GRIK2: variants seen among roughly 807,000 people sequenced by gnomAD.
GRIK2 encodes the protein glutamate receptor ionotropic, kainate 2.
GRIK2 carries 32 observed loss-of-function variants against 100.3 expected under a neutral mutation model. The ratio of observed to expected loss-of-function variants is 0.32; its 90% CI spans 0.24 to 0.43. The LOEUF (loss-of-function observed/expected upper bound fraction) is 0.43, where lower values mean the gene tolerates loss of function less well. Ranked by LOEUF, GRIK2 falls within the 20% of genes least tolerant of loss-of-function variation. The pLI, the probability that GRIK2 is intolerant of heterozygous loss-of-function variation, is 1.00. For missense variants in GRIK2, 843 were observed against 1,114.9 expected, an observed-to-expected ratio of 0.76 and a Z score of 3.47; for synonymous variants, 417 against 389.4, an observed-to-expected ratio of 1.07 and a Z score of -0.83.
chr6:101,896,232 T>A (rs1787432324), intron 12 of GRIK2, among the ~76,000 whole-genome samples: 1 of 151,832 alleles, frequency 6.6e-6, no homozygotes, highest in African/African-American at 2.4e-5. Flanking sequence ...TTTTCAGTTG[T>A]GATAAATATG....
intron 2 of GRIK2, among the ~76,000 whole-genome samples, chr6:101,547,705 A>C (rs1776313003): frequency 6.6e-6 from 1 of 151,968 alleles, no homozygotes; most frequent in African/African-American, 2.4e-5. Flanking sequence ...ACATTTTCTT[A>C]ATCCAGTCTA....
At chr6:101,997,440 T>C (rs977444194) in intron 14 of GRIK2, among the ~76,000 whole-genome samples, 2 of 152,082 alleles carry the variant, frequency 1.3e-5, no homozygotes, top group Admixed American at 1.3e-4. Flanking sequence ...ATTTTAAATG[T>C]ATATATTTGT....
In GRIK2 at chr6:101,559,267, T is replaced by C. The variant is rs374657682; in HGVS notation, c.116-62682T>C. On this transcript the variant is annotated intron_variant, in intron 2 of 16. Coordinates refer to ENST00000369134, the MANE Select transcript of GRIK2 (RefSeq NM_021956.5). The stretch of plus-strand genomic sequence containing the variant: ...ATAGCTAAGTGTATTTAATAAGTTA[T>C]AGTCTAAGTTATTTTTTCAAAATCT... 7.9e-5 allele frequency among the ~76,000 whole-genome samples: 12 copies of C among 152,266 alleles called. No homozygotes were observed. The East Asian group carries it at 1.2e-3, about 15-fold the overall frequency.
chr6:101,789,645 C>A (rs1450231741), intron 7 of GRIK2, among the ~76,000 whole-genome samples: 1 of 152,108 alleles, frequency 6.6e-6, no homozygotes, highest in Non-Finnish European at 1.5e-5. Context: ...AATGTGATGC[C>A]TCCAGCTTTG....
At chr6:101,830,964 G>A (rs1782640627) in intron 10 of GRIK2, among the ~76,000 whole-genome samples, 2 of 152,012 alleles carry the variant, frequency 1.3e-5, no homozygotes, top group African/African-American at 4.8e-5. Flanking sequence ...AAATTCCAAA[G>A]AGGGAGGGAG....
chr6:101,892,300 C>A (rs184940614), intron 12 of GRIK2, among the ~76,000 whole-genome samples: 1 of 152,158 alleles, frequency 6.6e-6, no homozygotes, highest in African/African-American at 2.4e-5. Context: ...AAAGCAAATA[C>A]TGAAACATCT....
chr6:101,936,149 G>A (rs1446534393), intron 14 of GRIK2, among the ~76,000 whole-genome samples: 1 of 151,958 alleles, frequency 6.6e-6, no homozygotes, highest in East Asian at 1.9e-4. Context: ...GGGCAGTAAG[G>A]TTAGGTTAAT....
At chr6:101,473,791 C>T (rs1178265526) in intron 2 of GRIK2, among the ~76,000 whole-genome samples, 1 of 151,652 alleles carries the variant, frequency 6.6e-6, no homozygotes, top group Non-Finnish European at 1.5e-5. Flanking sequence ...ACATTCATAG[C>T]TTTGAGGAGT....
chr6:101,866,454 G>T (rs1785058439), intron 11 of GRIK2, among the ~76,000 whole-genome samples: 1 of 151,988 alleles, frequency 6.6e-6, no homozygotes, highest in East Asian at 1.9e-4. Context: ...ATATGAACAA[G>T]GAATTGTTTA....
intron 12 of GRIK2, among the ~76,000 whole-genome samples, chr6:101,920,909 T>C (rs1789452702): frequency 6.6e-6 from 1 of 151,850 alleles, no homozygotes; most frequent in South Asian, 2.1e-4. Context: ...TGTGATATTA[T>C]GGGAATTATT....
intron 14 of GRIK2, among the ~76,000 whole-genome samples, chr6:101,972,861 T>C (rs1308550310): frequency 6.6e-6 from 1 of 151,942 alleles, no homozygotes; most frequent in Non-Finnish European, 1.5e-5. Context: ...GTTTTAGGTG[T>C]GTGGTTTTAT....
At chr6:101,640,449 C>T (rs1781231212) in intron 4 of GRIK2, among the ~76,000 whole-genome samples, 1 of 152,160 alleles carries the variant, frequency 6.6e-6, no homozygotes, top group South Asian at 2.1e-4. Context: ...CATTTCCCAA[C>T]ATAGCAATTG....
chr6:101,760,818 G>A (rs1302745030), intron 7 of GRIK2, among the ~76,000 whole-genome samples: 1 of 145,700 alleles, frequency 6.9e-6, no homozygotes, highest in Non-Finnish European at 1.5e-5. Flanking sequence ...TTTATGTTGA[G>A]ATTTTTGCTT....
chr6:101,893,693 C>T (rs1787251508), intron 12 of GRIK2, among the ~76,000 whole-genome samples: 1 of 151,674 alleles, frequency 6.6e-6, no homozygotes, highest in Admixed American at 6.6e-5. Context: ...CTAGTAAGCA[C>T]TAATTAGATC....
At chr6:101,975,825 A>ATCTATCTATCTG (rs1793341473) in intron 14 of GRIK2, among the ~76,000 whole-genome samples, 1 of 151,370 alleles carries the variant, frequency 6.6e-6, no homozygotes, top group South Asian at 2.1e-4. Flanking sequence ...CTATCTATCT[A>ATCTATCTATCTG]TCTATCTATC....
chr6:101,833,683 G>T (rs1782855198), intron 10 of GRIK2, among the ~76,000 whole-genome samples: 5 of 147,140 alleles, frequency 3.4e-5, no homozygotes. Flanking sequence ...TACTTATTAT[G>T]ATTAATATAT....
chr6:101,843,409 A>C (rs1485011587), intron 10 of GRIK2, among the ~76,000 whole-genome samples: 1 of 152,160 alleles, frequency 6.6e-6, no homozygotes, highest in Non-Finnish European at 1.5e-5. Flanking sequence ...CATCCACATG[A>C]GTCATTTTCC....
intron 10 of GRIK2, among the ~76,000 whole-genome samples, chr6:101,840,691 G>A (rs964333290): frequency 4.6e-5 from 7 of 152,170 alleles, no homozygotes; most frequent in Non-Finnish European, 1.0e-4. Flanking sequence ...TTAATTAGGT[G>A]CCTAACCTGG....
At chr6:101,708,528 A>G in intron 7 of GRIK2, among the ~76,000 whole-genome samples, 1 of 151,680 alleles carries the variant, frequency 6.6e-6, no homozygotes, top group East Asian at 1.9e-4. Context: ...TTTCATGCCC[A>G]TTGTCACTCT....
Sources: gnomAD v4.1 joint callset for allele counts (sites outside exome capture counted in the v4.1 genomes callset) on GRCh38, gnomAD v4.1.1 for gene constraint, MANE v1.5 for transcripts, NCBI Gene and HGNC (gene_info 2026-07-23, HGNC 2026-07-21) for gene names.